RBM39: variants seen among roughly 807,000 people sequenced by gnomAD.
RBM39 encodes the protein RNA-binding protein 39.
In RBM39, 12 loss-of-function variants were observed where a neutral mutation model predicts 79.6. The observed-to-expected ratio is 0.15, with a 90% CI of 0.10 to 0.24. The LOEUF (loss-of-function observed/expected upper bound fraction) is 0.24. Ranked by LOEUF, RBM39 falls within the 10% of genes least tolerant of loss-of-function variation. The pLI, the probability that RBM39 is intolerant of heterozygous loss-of-function variation, is 1.00. For synonymous variants in RBM39, 185 were observed against 208.4 expected (o/e 0.89, Z 0.97); for missense variants, 243 against 653.4 (o/e 0.37, Z 6.85).
At chr20:35,705,641 T>C (rs1267056024) in intron 14 of RBM39, among the ~76,000 whole-genome samples, 1 of 148,692 alleles carries the variant, frequency 6.7e-6, no homozygotes, top group African/African-American at 2.5e-5. Flanking sequence ...CTACTGAAAA[T>C]CCAAAATTTA....
chr20:35,737,504 G>A (rs1254655175), intron 3 of RBM39, among the ~76,000 whole-genome samples: 2 of 151,536 alleles, frequency 1.3e-5, no homozygotes, highest in Admixed American at 1.3e-4. Context: ...AGGTTGCTGT[G>A]AGCTGAGATC....
At chr20:35,729,411 T>G (rs576920258) in intron 5 of RBM39, 46 bp from the exon 6 acceptor site, 9 of 1,607,962 alleles carry the variant, frequency 5.6e-6, no homozygotes, top group Middle Eastern at 3.5e-4. Flanking sequence ...AAGTACAGCA[T>G]GTTAGTTCCT....
chr20:35,739,624 C>G (rs2040317213), intron 2 of RBM39: 7 of 447,544 alleles, frequency 1.6e-5, no homozygotes, highest in South Asian at 1.1e-4. Flanking sequence ...AATAATCCAC[C>G]AAGTCCAGCC....
chr20:35,711,129 G>A (rs941544191), intron 12 of RBM39, among the ~76,000 whole-genome samples: 11 of 152,140 alleles, frequency 7.2e-5, no homozygotes, highest in Non-Finnish European at 1.5e-4. Flanking sequence ...CATCCAGGGT[G>A]TAAGAAAATT....
rs2035281175 is a variant in RBM39 at position 35,701,466 on chromosome 20, T to C, written c.*3015A>G. ...CCACCATGCCTAGCTAAATTTTGTA[T>C]TGTTAGGCTGGGCGCGGTGGCTTAT... On this transcript the variant is annotated 3_prime_UTR_variant, in exon 17 of 17. Coordinates refer to ENST00000253363, the MANE Select transcript of RBM39 (RefSeq NM_184234.3). 6.5e-6 allele frequency: 1 copy of C among 153,790 alleles called. No individual in the cohort carries two copies. The highest frequency in any genetic ancestry group is 1.4e-5 in the Non-Finnish European group (1 of 69,060). 9.5% of individuals were successfully genotyped at this position (153,790 alleles called of 1,614,324 possible).
chr20:35,707,066 AC>A, intron 14 of RBM39, 53 bp downstream of exon 14: 1 of 1,032,024 alleles, frequency 9.7e-7, no homozygotes, highest in Non-Finnish European at 1.4e-6. Context: ...AATATATAAA[AC>A]AACTCTATTG....
intron 3 of RBM39, among the ~76,000 whole-genome samples, chr20:35,737,956 C>T (rs1038070626): frequency 4.0e-5 from 6 of 150,444 alleles, no homozygotes; most frequent in African/African-American, 1.5e-4. Flanking sequence ...GAGATGGAGA[C>T]CATTCTGGCT....
chr20:35,741,788 G>A (rs891755586), intron 1 of RBM39, among the ~76,000 whole-genome samples, 153 bp downstream of exon 1: 13 of 151,944 alleles, frequency 8.6e-5, no homozygotes, highest in African/African-American at 2.7e-4. Flanking sequence ...TACCCGACTG[G>A]AAAATAAGGG....
At chr20:35,737,066 G>T (rs1279818681) in intron 3 of RBM39, among the ~76,000 whole-genome samples, 8 of 151,166 alleles carry the variant, frequency 5.3e-5, no homozygotes, top group Non-Finnish European at 1.0e-4. Context: ...AGACCATCCT[G>T]GCCAACATCG....
rs893560106 is a variant in RBM39 at position 35,705,385 on chromosome 20, T to G, written c.1308-55A>C. The G allele has an allele frequency of 2.1e-5, 20 of 954,810 alleles. 1 individual carries two copies. The highest frequency in any genetic ancestry group is 1.6e-4 in the Admixed American group (6 of 37,284). The allele number at this position is 954,810 out of a possible 1,614,324, so 59.1% of individuals were successfully genotyped here. ...ACTATTGAAACTAACAAACTATATA[T>G]TTACAAATGTATCAAAAAATTTAAA... On this transcript the variant is annotated intron_variant, in intron 14 of 16. Transcript: ENST00000253363.
At chr20:35,713,584 C>G (rs2036718443) in intron 11 of RBM39, 1 of 148,790 alleles carries the variant, frequency 6.7e-6, no homozygotes, top group Non-Finnish European at 1.5e-5. Context: ...CACAGCCTCC[C>G]AAACTGCTGG....
chr20:35,707,286 C>A, intron 13 of RBM39, 85 bp from the exon 14 acceptor site: 2 of 787,420 alleles, frequency 2.5e-6, no homozygotes, highest in South Asian at 3.9e-5. Context: ...ACCAAAAACC[C>A]ACCCCAAGCA....
Position 35,702,073 on chromosome 20 carries a change from T to C in RBM39, c.*2408A>G, listed in dbSNP as rs1261642359. The C allele has an allele frequency of 6.6e-6, 1 of 152,152 alleles. No individual in the cohort carries two copies. Among genetic ancestry groups the C allele is most frequent in the Non-Finnish European group, 1.5e-5 (1 of 68,026 alleles). 9.4% of individuals were successfully genotyped at this position (152,152 alleles called of 1,614,324 possible). A position where few individuals can be genotyped will look rare whatever the true frequency, so the allele number is the denominator to read the frequency against. ...TCCACAAAACTTACTAGTTTGATGA[T>C]AAAAAGCTTCTGTAATGAGGCAGTT... is the stretch of plus-strand genomic sequence containing the variant. On this transcript the variant is annotated 3_prime_UTR_variant, in exon 17 of 17. Coordinates refer to ENST00000253363, the MANE Select transcript of RBM39 (RefSeq NM_184234.3).
chr20:35,740,968 G>A (rs934339731), intron 1 of RBM39, 81 bp from the exon 2 acceptor site: 3 of 856,228 alleles, frequency 3.5e-6, no homozygotes, highest in East Asian at 3.4e-5. Context: ...TGCCTATATC[G>A]TCTAACATTT....
chr20:35,711,303 A>T (rs184981809), intron 12 of RBM39, among the ~76,000 whole-genome samples: 30 of 150,628 alleles, frequency 2.0e-4, no homozygotes, highest in African/African-American at 6.4e-4. Context: ...TTTTCTGGTT[A>T]AAAAAAAACC....
intron 3 of RBM39, chr20:35,734,105 G>A: frequency 1.5e-6 from 1 of 646,574 alleles, no homozygotes; most frequent in Non-Finnish European, 2.3e-6. Context: ...CATATCACAA[G>A]AGCAACTGAG....
intron 8 of RBM39, among the ~76,000 whole-genome samples, chr20:35,723,916 C>A (rs2038324529): frequency 6.6e-6 from 1 of 152,144 alleles, no homozygotes; most frequent in Non-Finnish European, 1.5e-5. Context: ...TGGCACGCAC[C>A]TGTAGACCTA....
chr20:35,708,294 G>C (rs2146494302), intron 13 of RBM39, among the ~76,000 whole-genome samples: 1 of 152,072 alleles, frequency 6.6e-6, no homozygotes, highest in South Asian at 2.1e-4. Flanking sequence ...GCTTACAGAA[G>C]ATATGGAAGT....
chr20:35,715,615 G>A (rs1335966045), intron 10 of RBM39, among the ~76,000 whole-genome samples: 1 of 152,192 alleles, frequency 6.6e-6, no homozygotes, highest in East Asian at 1.9e-4. Context: ...TATCAGAGAT[G>A]AACGTATAAA....
Sources: gnomAD v4.1 joint callset for allele counts (sites outside exome capture counted in the v4.1 genomes callset) on GRCh38, gnomAD v4.1.1 for gene constraint, MANE v1.5 for transcripts, NCBI Gene and HGNC (gene_info 2026-07-23, HGNC 2026-07-21) for gene names.